Variants in DYRK4 observed in about 807,000 individuals in gnomAD.
The protein encoded by DYRK4 is dual specificity tyrosine-phosphorylation-regulated kinase 4.
In DYRK4, 64 loss-of-function variants were observed where a neutral mutation model predicts 68.3. That is an observed-to-expected ratio of 0.94 (90% CI 0.77 to 1.15). The LOEUF (loss-of-function observed/expected upper bound fraction) is 1.15. Ranked by LOEUF, DYRK4 falls within the 50% of genes most tolerant of loss-of-function variation. DYRK4 has a pLI of 0.00. For synonymous variants in DYRK4, 274 were observed against 289.9 expected, an observed-to-expected ratio of 0.95 and a Z score of 0.56; for missense variants, 740 against 764.7, an observed-to-expected ratio of 0.97 and a Z score of 0.38.
chr12:4,586,734 A>G (rs1052161803), intron 2 of DYRK4, among the ~76,000 whole-genome samples: 14 of 138,152 alleles, frequency 1.0e-4, no homozygotes, highest in Admixed American at 3.7e-4. Flanking sequence ...ACACACACAG[A>G]CACACACACA....
rs529751209 is a variant in DYRK4, at chr12:4,608,597, C to T, written c.1360+1210C>T. Among the ~76,000 whole-genome samples, 3 of 152,142 alleles carry T rather than the reference C, an allele frequency of 2.0e-5. No homozygotes were observed. In the South Asian group the frequency reaches 6.2e-4, roughly 32 times the overall value. On this transcript the variant is annotated intron_variant, in intron 12 of 14. Coordinates refer to ENST00000543431, the MANE Select transcript of DYRK4 (RefSeq NM_001394779.1). ...CCCTGAGCCCTGCTACAACTGCAGG[C>T]TCCCTGGCCCTCTCCCAGGACTCCT...
chr12:4,595,166 A>G (rs1305062220), intron 6 of DYRK4, among the ~76,000 whole-genome samples: 3 of 152,164 alleles, frequency 2.0e-5, no homozygotes, highest in South Asian at 4.1e-4. Context: ...AGACCCTTAC[A>G]AGTAGACTAA....
At chr12:4,573,255 A>G (rs1944750856) in intron 2 of DYRK4, 1 of 1,227,070 alleles carries the variant, frequency 8.1e-7, no homozygotes, top group South Asian at 1.3e-5. Context: ...ATTTACTTCT[A>G]TATAATGTCT....
intron 2 of DYRK4, among the ~76,000 whole-genome samples, chr12:4,584,930 CT>C (rs1021907000): frequency 6.6e-6 from 1 of 151,268 alleles, no homozygotes; most frequent in East Asian, 1.9e-4. Flanking sequence ...ATGGAGTTTG[CT>C]TTTTTTTTCT....
intron 11 of DYRK4, among the ~76,000 whole-genome samples, chr12:4,605,734 T>G (rs1005117346): frequency 0.015 from 551 of 36,434 alleles, 7 homozygotes; most frequent in South Asian, 0.046. Context: ...GCTGGGTTTT[T>G]TTTTTTTTTT....
chr12:4,571,842 G>C (rs1211669315), intron 2 of DYRK4, among the ~76,000 whole-genome samples: 1 of 152,196 alleles, frequency 6.6e-6, no homozygotes, highest in Non-Finnish European at 1.5e-5. Context: ...GGACAGTGCT[G>C]CTCTAGAATG....
intron 9 of DYRK4, 33 bp downstream of exon 9, chr12:4,599,199 C>G: frequency 6.2e-7 from 1 of 1,607,394 alleles, no homozygotes; most frequent in Non-Finnish European, 8.5e-7. Context: ...CATGGACACA[C>G]TCTGGAAATA....
At chr12:4,603,027 C>A in intron 10 of DYRK4, 1 of 972,884 alleles carries the variant, frequency 1.0e-6, no homozygotes. Context: ...TTAGCTTGTA[C>A]AATTTTCTCC....
chr12:4,570,035 G>C (rs866044997), intron 2 of DYRK4, among the ~76,000 whole-genome samples: 8 of 137,374 alleles, frequency 5.8e-5, no homozygotes, highest in Middle Eastern at 3.4e-3. Context: ...AGACCCTGTC[G>C]CTATAAATAA....
At chr12:4,592,945 C>G (rs1281078021) in intron 5 of DYRK4, 57 bp from the exon 6 acceptor site, 1 of 1,574,984 alleles carries the variant, frequency 6.3e-7, no homozygotes, top group Admixed American at 1.8e-5. Context: ...CGTCTGCATC[C>G]GGGGCAAATC....
At chr12:4,572,575 G>A (rs1473319772) in intron 2 of DYRK4, among the ~76,000 whole-genome samples, 3 of 152,214 alleles carry the variant, frequency 2.0e-5, no homozygotes, top group African/African-American at 2.4e-5. Flanking sequence ...GATTACAGGC[G>A]TGAGCCACCG....
At chr12:4,602,832 G>A in intron 10 of DYRK4, 1 of 1,305,184 alleles carries the variant, frequency 7.7e-7, no homozygotes, top group Admixed American at 1.7e-5. Flanking sequence ...ATATTTTCTT[G>A]TCCCAAATCA....
chr12:4,574,932 G>C (rs896124555), intron 2 of DYRK4, among the ~76,000 whole-genome samples: 1 of 152,176 alleles, frequency 6.6e-6, no homozygotes, highest in Admixed American at 6.5e-5. Flanking sequence ...TGGCCAGACT[G>C]GTCTCTCAAA....
chr12:4,592,375 A>G (rs1024544987), intron 5 of DYRK4: 1 of 152,152 alleles, frequency 6.6e-6, no homozygotes, highest in Non-Finnish European at 1.5e-5. Context: ...GGTGCCCCCT[A>G]TCCTAATCCT....
At chr12:4,583,587 G>A (rs564181118) in intron 2 of DYRK4, among the ~76,000 whole-genome samples, 37 of 152,070 alleles carry the variant, frequency 2.4e-4, no homozygotes, top group Non-Finnish European at 1.0e-4. Flanking sequence ...TAGAGACAGG[G>A]TTTCACCATG....
chr12:4,611,561 C>T (rs7312521), intron 13 of DYRK4, among the ~76,000 whole-genome samples: 144,149 of 152,292 alleles, frequency 0.95, 68,724 homozygotes, highest in East Asian at 1. Context: ...TGTAAAGCCC[C>T]GTGTCTAGAC....
chr12:4,592,930 G>A (rs951723785), intron 5 of DYRK4, 72 bp from the exon 6 acceptor site: 2 of 1,552,694 alleles, frequency 1.3e-6, no homozygotes, highest in Non-Finnish European at 1.7e-6. Context: ...TGGAAGGGAT[G>A]CCATCGTCTG....
chr12:4,571,230 A>G (rs1356512094), intron 2 of DYRK4, among the ~76,000 whole-genome samples: 1 of 152,230 alleles, frequency 6.6e-6, no homozygotes, highest in Non-Finnish European at 1.5e-5. Context: ...CAACTACAAG[A>G]TGCTACAAAG....
intron 12 of DYRK4, 46 bp downstream of exon 12, chr12:4,607,433 C>A: frequency 1.3e-6 from 2 of 1,591,094 alleles, no homozygotes; most frequent in Non-Finnish European, 1.7e-6. Flanking sequence ...CTTGAAGACA[C>A]CTGCCATACC....
Sources: allele counts gnomAD v4.1 joint callset (sites outside exome capture counted in the v4.1 genomes callset), GRCh38; gene constraint gnomAD v4.1.1; transcripts MANE v1.5; gene names NCBI Gene and HGNC (gene_info 2026-07-23, HGNC 2026-07-21).